Variants in FHIT observed in about 807,000 individuals in gnomAD.
The protein encoded by FHIT is fragile histidine triad diadenosine triphosphatase.
FHIT carries 19 observed loss-of-function variants against 17.9 expected under a neutral mutation model. That is an observed-to-expected ratio of 1.06 (90% confidence interval 0.74 to 1.56). FHIT has a LOEUF of 1.56. Ranked by LOEUF, FHIT falls within the 40% of genes most tolerant of loss-of-function variation. The probability of loss-of-function intolerance (pLI) is 0.00; values close to 1 mark genes in which losing one functional copy is unlikely to be tolerated. For synonymous variants in FHIT, 81 were observed against 69.7 expected (o/e 1.16, Z -0.81); for missense variants, 248 against 189.2 (o/e 1.31, Z -1.82).
At chr3:60,779,328 C>T (rs1181037729) in intron 4 of FHIT, among the ~76,000 whole-genome samples, 1 of 152,154 alleles carries the variant, frequency 6.6e-6, no homozygotes, top group Non-Finnish European at 1.5e-5. Flanking sequence ...CTGCTTGCTC[C>T]TGTGAACCAA....
intron 4 of FHIT, among the ~76,000 whole-genome samples, chr3:60,796,046 G>A (rs1175336334): frequency 1.3e-5 from 2 of 152,154 alleles, no homozygotes; most frequent in African/African-American, 4.8e-5. Context: ...AAGAGAAAAT[G>A]AGTAGGAAGC....
chr3:60,161,029 T>C (rs1260402770), intron 5 of FHIT, among the ~76,000 whole-genome samples: 2 of 152,172 alleles, frequency 1.3e-5, no homozygotes, highest in Non-Finnish European at 2.9e-5. Flanking sequence ...ATTCTTGTAA[T>C]AGCAAAAAGA....
At chr3:60,597,532 A>T (rs1393975811) in intron 4 of FHIT, among the ~76,000 whole-genome samples, 3 of 152,112 alleles carry the variant, frequency 2.0e-5, no homozygotes, top group Non-Finnish European at 4.4e-5. Context: ...TAAGAAAATA[A>T]TCACCATGCA....
chr3:61,040,000 G>A (rs77486676), intron 3 of FHIT, among the ~76,000 whole-genome samples: 1 of 152,268 alleles, frequency 6.6e-6, no homozygotes, highest in African/African-American at 2.4e-5. Context: ...AGCAAAGAAA[G>A]AGCATCAGAA....
intron 5 of FHIT, among the ~76,000 whole-genome samples, chr3:60,298,464 G>A (rs573309810): frequency 1.3e-5 from 2 of 152,260 alleles, no homozygotes; most frequent in East Asian, 1.9e-4. Context: ...GGCCAAATAT[G>A]TTTATTATAT....
chr3:59,819,645 C>G (rs2106648988), intron 8 of FHIT, among the ~76,000 whole-genome samples: 1 of 152,296 alleles, frequency 6.6e-6, no homozygotes, highest in South Asian at 2.1e-4. Flanking sequence ...CATCTAAATA[C>G]ATAGTCATAT....
Position 60,868,086 on chromosome 3 carries a change from A to G in FHIT, c.-110-46075T>C, listed in dbSNP as rs1284379288. Among the ~76,000 whole-genome samples, 2 of 152,134 alleles carry G rather than the reference A, an allele frequency of 1.3e-5. 1 individual carries two copies. Among genetic ancestry groups the G allele is most frequent in the Admixed American group, 1.3e-4 (2 of 15,248 alleles). On this transcript the variant is annotated intron_variant, in intron 3 of 9. Transcript: ENST00000492590. Reference sequence around the variant, plus strand: ...TGAATAGAATTGAAGGTTTTTAAATAAAAACATAAGAAGGTTGGAAAGGCA... The same window carrying G: ...TGAATAGAATTGAAGGTTTTTAAATGAAAACATAAGAAGGTTGGAAAGGCA...
intron 3 of FHIT, among the ~76,000 whole-genome samples, chr3:60,839,894 G>A (rs1702661170): frequency 6.6e-6 from 1 of 152,062 alleles, no homozygotes. Context: ...GTGTCTATGT[G>A]ATAACATAAG....
chr3:59,755,332 C>T (rs915539612), intron 8 of FHIT, among the ~76,000 whole-genome samples: 10 of 152,194 alleles, frequency 6.6e-5, no homozygotes, highest in African/African-American at 1.2e-4. Context: ...CCCTGGTGGG[C>T]AAGACTTGTG....
chr3:60,235,926 G>C (rs966800910), intron 5 of FHIT, among the ~76,000 whole-genome samples: 1 of 151,998 alleles, frequency 6.6e-6, no homozygotes, highest in Admixed American at 6.6e-5. Flanking sequence ...GGGTTCATAG[G>C]GTATTGTTAG....
chr3:61,107,712 G>C (rs1037927305), intron 2 of FHIT, among the ~76,000 whole-genome samples: 1 of 152,214 alleles, frequency 6.6e-6, no homozygotes, highest in African/African-American at 2.4e-5. Context: ...GCAATGAACA[G>C]TTTGTGAATC....
chr3:60,706,683 T>A (rs1313219534), intron 4 of FHIT, among the ~76,000 whole-genome samples: 1 of 152,208 alleles, frequency 6.6e-6, no homozygotes, highest in Non-Finnish European at 1.5e-5. Flanking sequence ...AAAAAATATT[T>A]CTATTTCCAT....
chr3:60,923,804 C>A (rs1707419359), intron 3 of FHIT, among the ~76,000 whole-genome samples: 1 of 152,162 alleles, frequency 6.6e-6, no homozygotes, highest in Non-Finnish European at 1.5e-5. Flanking sequence ...AATTCCCTTT[C>A]CTAGTCAAAG....
intron 5 of FHIT, among the ~76,000 whole-genome samples, chr3:60,047,311 G>A (rs1049953828): frequency 5.9e-5 from 9 of 152,254 alleles, no homozygotes; most frequent in African/African-American, 1.7e-4. Context: ...CTATAGAGGC[G>A]GTTGTTCTTT....
chr3:59,928,744 C>G (rs910592701), intron 7 of FHIT, among the ~76,000 whole-genome samples: 3 of 152,148 alleles, frequency 2.0e-5, no homozygotes, highest in Non-Finnish European at 2.9e-5. Flanking sequence ...CGCCTGTAAT[C>G]CCAGCACTTT....
At chr3:60,391,200 A>AAAAC (rs761527122) in intron 5 of FHIT, among the ~76,000 whole-genome samples, 1 of 30,662 alleles carries the variant, frequency 3.3e-5, no homozygotes, top group African/African-American at 5.8e-5. Flanking sequence ...AACAAAACAA[A>AAAAC]AAACAAACAA....
chr3:60,400,354 A>G (rs900168294), intron 5 of FHIT, among the ~76,000 whole-genome samples: 2 of 152,174 alleles, frequency 1.3e-5, no homozygotes, highest in Non-Finnish European at 2.9e-5. Flanking sequence ...CCTGCAGAGG[A>G]AAAAGCTCCA....
At chr3:60,448,399 G>A (rs1399504333) in intron 5 of FHIT, among the ~76,000 whole-genome samples, 1 of 152,184 alleles carries the variant, frequency 6.6e-6, no homozygotes, top group Non-Finnish European at 1.5e-5. Context: ...GCAGTATCAA[G>A]TGGTATCAAC....
At chr3:60,387,115 G>A (rs1364499537) in intron 5 of FHIT, among the ~76,000 whole-genome samples, 5 of 149,320 alleles carry the variant, frequency 3.3e-5, no homozygotes, top group African/African-American at 7.4e-5. Context: ...AGCCTCCTGA[G>A]TAGCTGGGAT....
Sources: allele counts gnomAD v4.1 joint callset (sites outside exome capture counted in the v4.1 genomes callset), GRCh38; gene constraint gnomAD v4.1.1; transcripts MANE v1.5; gene names NCBI Gene and HGNC (gene_info 2026-07-23, HGNC 2026-07-21).